CHD6: variants seen among roughly 807,000 people sequenced by gnomAD.
CHD6 encodes chromodomain helicase DNA binding protein 6.
Under a neutral mutation model 276.9 loss-of-function variants are expected in CHD6, and 50 were observed. That is an observed-to-expected ratio of 0.18 (90% confidence interval 0.14 to 0.23). The LOEUF is 0.23. Among genes scored for constraint, CHD6 ranks in the 10% least tolerant of loss-of-function variants. The pLI, the probability that CHD6 is intolerant of heterozygous loss-of-function variation, is 1.00. For missense variants in CHD6, 2,564 were observed against 3,365.8 expected (o/e 0.76, Z 5.89); for synonymous variants, 1,173 against 1,229.3 (o/e 0.95, Z 0.96).
chr20:41,520,545 T>A (rs2044366346), intron 3 of CHD6, among the ~76,000 whole-genome samples: 1 of 151,780 alleles, frequency 6.6e-6, no homozygotes, highest in Admixed American at 6.6e-5. Flanking sequence ...CTGGAAACCA[T>A]CATTCTCAGC....
intron 2 of CHD6, among the ~76,000 whole-genome samples, chr20:41,546,555 G>C (rs566471234): frequency 6.6e-6 from 1 of 152,240 alleles, no homozygotes; most frequent in Non-Finnish European, 1.5e-5. Context: ...TGCCAAGCAG[G>C]AGCTGAGATG....
chr20:41,425,460 G>T, intron 28 of CHD6, 66 bp from the exon 29 acceptor site: 1 of 1,447,062 alleles, frequency 6.9e-7, no homozygotes, highest in Non-Finnish European at 9.5e-7. Flanking sequence ...CTGTCTTTTG[G>T]TTTTGTTTAA....
intron 1 of CHD6, among the ~76,000 whole-genome samples, chr20:41,608,114 G>A (rs752330659): frequency 5.3e-5 from 8 of 151,986 alleles, no homozygotes; most frequent in Admixed American, 1.3e-4. Flanking sequence ...AGGGATCTGG[G>A]GAAAAAATCT....
intron 19 of CHD6, 88 bp from the exon 20 acceptor site, chr20:41,454,824 A>G (rs771732209): frequency 1.2e-4 from 98 of 818,852 alleles, no homozygotes; most frequent in Middle Eastern, 9.4e-4. Context: ...AAACCTAAGT[A>G]TATTATCTAT....
intron 16 of CHD6, among the ~76,000 whole-genome samples, chr20:41,476,170 A>G (rs958065054): frequency 6.6e-6 from 1 of 152,150 alleles, no homozygotes; most frequent in Non-Finnish European, 1.5e-5. Flanking sequence ...TTGAGGGCTA[A>G]TAAGTCTGAA....
At chr20:41,582,515 A>C (rs1012093970) in intron 1 of CHD6, among the ~76,000 whole-genome samples, 1 of 152,254 alleles carries the variant, frequency 6.6e-6, no homozygotes, top group Non-Finnish European at 1.5e-5. Flanking sequence ...TAACAGTAGT[A>C]GTCTCAACAT....
chr20:41,421,380 G>A lies in CHD6; in HGVS notation c.5255C>T (p.Ala1752Val), dbSNP rs370125062. Residue 1752 changes from alanine to valine, a missense_variant, in exon 31 of 37, where the codon GCA becomes GTA. Around this residue, in one of 7 missense-constraint regions of CHD6, gnomAD observed 1,024 missense variants for 1,047.9 expected, o/e 0.98. Coordinates refer to ENST00000373233, the MANE Select transcript of CHD6 (RefSeq NM_032221.5). Reference sequence around the variant, plus strand: ...AAAAGTAGGGCCAGAAGCTATTTCTGCCTCAGGGCCACCAGACTGGCAGTT... The same window carrying A: ...AAAAGTAGGGCCAGAAGCTATTTCTACCTCAGGGCCACCAGACTGGCAGTT... ...DGNCQSGGPE[A>V]EIASGPTFMG... The A allele has an allele frequency of 1.9e-6, 3 of 1,614,066 alleles. No homozygotes were observed. Among genetic ancestry groups the A allele is most frequent in the African/African-American group, 1.3e-5 (1 of 75,046 alleles).
At position 41,402,221 on chromosome 20, in the gene CHD6, T is replaced by C. The variant is rs755119098; in HGVS notation, c.*2372A>G. ...ATTAGATGAAAAGGCTCAAGTTTGCTGAAGAGAGTTTAAATTTGGCTTTTG... is the reference window on the plus strand; with the variant it reads ...ATTAGATGAAAAGGCTCAAGTTTGCCGAAGAGAGTTTAAATTTGGCTTTTG... On this transcript the variant is annotated 3_prime_UTR_variant, in exon 37 of 37. Coordinates refer to ENST00000373233, the MANE Select transcript of CHD6 (RefSeq NM_032221.5). 2.3e-4 allele frequency: 51 copies of C among 219,748 alleles called. No individual in the cohort carries two copies. Among genetic ancestry groups the C allele is most frequent in the Non-Finnish European group, 4.4e-4 (48 of 109,666 alleles). 13.6% of individuals were successfully genotyped at this position (219,748 alleles called of 1,614,324 possible). A position where few individuals can be genotyped will look rare whatever the true frequency, so the allele number is the denominator to read the frequency against.
chr20:41,595,081 G>A (rs993354950), intron 1 of CHD6, among the ~76,000 whole-genome samples: 1 of 152,298 alleles, frequency 6.6e-6, no homozygotes, highest in Non-Finnish European at 1.5e-5. Flanking sequence ...CTCTTGTGAG[G>A]AGATGTGTCC....
At chr20:41,410,917 G>C (rs563645393) in intron 36 of CHD6, among the ~76,000 whole-genome samples, 2 of 152,272 alleles carry the variant, frequency 1.3e-5, no homozygotes, top group African/African-American at 4.8e-5. Flanking sequence ...GACACCGTGT[G>C]CCGAGACAAA....
In CHD6 at chr20:41,483,479, G is replaced by A. The variant is rs756301198; in HGVS notation, c.2298C>T (p.His766=). 1.2e-6 allele frequency: 2 copies of A among 1,613,352 alleles called. No individual in the cohort carries two copies. Among genetic ancestry groups the A allele is most frequent in the African/African-American group, 1.3e-5 (1 of 75,018 alleles). The change falls in exon 16 of 37, where the codon CAC becomes CAT. Residue 766 remains histidine (H), a synonymous_variant. Transcript: ENST00000373233. ...GCTGAAAGTCAGGGGCATCAGGGCT[G>A]TGGGTTTTTCGGAAATCTTCTAGAA... ...EKILEDFRKT[H]SPDAPDFQLQ... is the part of the protein sequence containing the mutation.
intron 3 of CHD6, among the ~76,000 whole-genome samples, chr20:41,525,189 G>A (rs1007695923): frequency 6.6e-6 from 1 of 152,130 alleles, no homozygotes; most frequent in Non-Finnish European, 1.5e-5. Flanking sequence ...ACTTTTTAGG[G>A]TATGGGCAGG....
At chr20:41,482,030 A>C (rs1394221035) in intron 16 of CHD6, among the ~76,000 whole-genome samples, 5 of 152,088 alleles carry the variant, frequency 3.3e-5, no homozygotes, top group East Asian at 1.9e-4. Flanking sequence ...TACAATCTTA[A>C]GTAATTTGAA....
At chr20:41,412,878 TC>T (rs2046883315) in intron 35 of CHD6, among the ~76,000 whole-genome samples, 1 of 152,040 alleles carries the variant, frequency 6.6e-6, no homozygotes, top group South Asian at 2.1e-4. Context: ...GGACAGACCG[TC>T]CCCCAACCAC....
chr20:41,579,521 A>G (rs1388055544), intron 1 of CHD6, among the ~76,000 whole-genome samples: 1 of 151,966 alleles, frequency 6.6e-6, no homozygotes, highest in Non-Finnish European at 1.5e-5. Flanking sequence ...GCCACCGTCC[A>G]TGAGGCATGA....
At chr20:41,601,653 T>C (rs1029868821) in intron 1 of CHD6, among the ~76,000 whole-genome samples, 2 of 152,198 alleles carry the variant, frequency 1.3e-5, no homozygotes, top group East Asian at 1.9e-4. Flanking sequence ...CCTGCATTTA[T>C]ATAAATGTCA....
chr20:41,559,678 T>C (rs1242616760), intron 1 of CHD6, among the ~76,000 whole-genome samples: 1 of 152,182 alleles, frequency 6.6e-6, no homozygotes, highest in Non-Finnish European at 1.5e-5. Context: ...AAAGGCTCCC[T>C]GAGTTTTCTA....
chr20:41,403,318 T>G lies in CHD6; in HGVS notation c.*1275A>C. The G allele has an allele frequency of 9.4e-7, 1 of 1,063,470 alleles. No individual in the cohort carries two copies. The highest frequency in any genetic ancestry group is 1.1e-6 in the Non-Finnish European group (1 of 877,862). 65.9% of individuals were successfully genotyped at this position (1,063,470 alleles called of 1,614,324 possible). ...CAAGTCTCAGAGTGTGAACTACCTGTGAAGAGTGAGACCATCAGAAGGGAC... is the reference window on the plus strand; with the variant it reads ...CAAGTCTCAGAGTGTGAACTACCTGGGAAGAGTGAGACCATCAGAAGGGAC... On this transcript the variant is annotated 3_prime_UTR_variant, in exon 37 of 37. Coordinates refer to ENST00000373233, the MANE Select transcript of CHD6 (RefSeq NM_032221.5).
Position 41,484,468 on chromosome 20 carries a change from A to G in CHD6, c.2141T>C (p.Ile714Thr). 1 of 1,613,868 alleles carries G rather than the reference A, an allele frequency of 6.2e-7. No homozygotes were observed. Among genetic ancestry groups the G allele is most frequent in the Non-Finnish European group, 8.5e-7 (1 of 1,179,856 alleles). The change falls in exon 15 of 37, where the codon ATC (isoleucine) becomes ACC (threonine). Residue 714 changes from isoleucine to threonine, a missense_variant. Ile to Thr is a moderately conservative substitution (Grantham distance 89). This residue lies in a region of CHD6 where 457 missense variants were observed against 889.0 expected (regional missense o/e 0.51). Coordinates refer to ENST00000373233, the MANE Select transcript of CHD6 (RefSeq NM_032221.5). ...CAGGAAGGAAAAGTTCTTCTCGAGG[A>G]TGGCACGGTAGTACTTTTTCTGGAT... ...TNIQKKYYRAILEKNFSFLTK... is the reference protein window; with the variant it reads ...TNIQKKYYRATLEKNFSFLTK...
Sources: gnomAD v4.1 joint callset for allele counts (sites outside exome capture counted in the v4.1 genomes callset) on GRCh38, gnomAD v4.1.1 for gene constraint, gnomAD v4.1.1 regional missense constraint, MANE v1.5 for transcripts, NCBI Gene and HGNC (gene_info 2026-07-23, HGNC 2026-07-21) for gene names.